The following LGR5 variants were observed in gnomAD, a reference collection of about 807,000 sequenced individuals.
LGR5 encodes leucine rich repeat containing G protein-coupled receptor 5, also known as leucine-rich repeat-containing G protein-coupled receptor 5.
Under a neutral mutation model 76.7 loss-of-function variants are expected in LGR5, and 54 were observed. The ratio of observed to expected loss-of-function variants is 0.70; its 90% CI spans 0.57 to 0.88. The LOEUF is 0.88. Among genes scored for constraint, LGR5 ranks in the 40% least tolerant of loss-of-function variants. The pLI is 0.00. For missense variants in LGR5, 1,078 were observed against 1,073.3 expected, an observed-to-expected ratio of 1.00 and a Z score of -0.06; for synonymous variants, 406 against 421.9, an observed-to-expected ratio of 0.96 and a Z score of 0.46.
chr12:71,477,232 C>T (rs940191591), intron 1 of LGR5, among the ~76,000 whole-genome samples: 1 of 152,012 alleles, frequency 6.6e-6, no homozygotes, highest in Non-Finnish European at 1.5e-5. Flanking sequence ...CCCGTTTTCT[C>T]ACCACAAACA....
chr12:71,459,400 G>A (rs1872606026), intron 1 of LGR5, among the ~76,000 whole-genome samples: 1 of 152,016 alleles, frequency 6.6e-6, no homozygotes, highest in South Asian at 2.1e-4. Flanking sequence ...TGCATTTGAT[G>A]GGGAAGCCAG....
intron 1 of LGR5, among the ~76,000 whole-genome samples, chr12:71,497,037 C>T (rs748509398): frequency 6.6e-6 from 1 of 151,866 alleles, no homozygotes; most frequent in African/African-American, 2.4e-5. Flanking sequence ...CATCAGGGGC[C>T]AGGCGCAGTG....
chr12:71,513,398 C>T (rs950506461), intron 2 of LGR5, among the ~76,000 whole-genome samples: 1 of 152,186 alleles, frequency 6.6e-6, no homozygotes, highest in Non-Finnish European at 1.5e-5. Context: ...CCTGCATTTT[C>T]CTGTTTTAGG....
chr12:71,496,275 G>A (rs1356900603), intron 1 of LGR5, among the ~76,000 whole-genome samples: 2 of 150,434 alleles, frequency 1.3e-5, no homozygotes, highest in Non-Finnish European at 2.9e-5. Context: ...GGAGGCTGAG[G>A]CAGAAGAATC....
intron 1 of LGR5, among the ~76,000 whole-genome samples, chr12:71,472,459 C>T (rs896994902): frequency 2.6e-5 from 4 of 152,128 alleles, no homozygotes; most frequent in African/African-American, 9.7e-5. Context: ...CCAGGCTCTC[C>T]CCGGAGCAAG....
chr12:71,550,333 T>C, intron 4 of LGR5, among the ~76,000 whole-genome samples: 1 of 151,186 alleles, frequency 6.6e-6, no homozygotes, highest in African/African-American at 2.4e-5. Context: ...GTATTTTTGG[T>C]AGAGATGGGG....
At chr12:71,532,056 T>C (rs1464869066) in intron 3 of LGR5, among the ~76,000 whole-genome samples, 3 of 152,162 alleles carry the variant, frequency 2.0e-5, no homozygotes, top group African/African-American at 7.2e-5. Flanking sequence ...GTTTGGTTAG[T>C]AAGGCAAAGG....
chr12:71,470,529 C>T (rs1448677423), intron 1 of LGR5, among the ~76,000 whole-genome samples: 1 of 152,060 alleles, frequency 6.6e-6, no homozygotes, highest in African/African-American at 2.4e-5. Flanking sequence ...GATATGTCTA[C>T]ATACACACAT....
chr12:71,463,885 C>T (rs1872764872), intron 1 of LGR5, among the ~76,000 whole-genome samples: 1 of 151,606 alleles, frequency 6.6e-6, no homozygotes, highest in Admixed American at 6.6e-5. Context: ...ATCAAATGAC[C>T]ATGTAAAAGG....
At chr12:71,466,935 CA>C (rs1872890658) in intron 1 of LGR5, among the ~76,000 whole-genome samples, 1 of 151,458 alleles carries the variant, frequency 6.6e-6, no homozygotes, top group African/African-American at 2.4e-5. Context: ...TGAGAGTTAC[CA>C]AGAAGTTATG....
chr12:71,527,886 T>C lies in LGR5; in HGVS notation c.356+3409T>C, dbSNP rs79301710. 2.9e-3 allele frequency among the ~76,000 whole-genome samples: 441 copies of C among 152,322 alleles called. 1 individual carries two copies. The highest frequency in any genetic ancestry group is 9.8e-3 in the African/African-American group (407 of 41,570). ...TTTGGTTGTCCAGATGATTGGCGTGTAGCAAGCTGTCCTGCAATGTGCTGC... is the reference window on the plus strand; with the variant it reads ...TTTGGTTGTCCAGATGATTGGCGTGCAGCAAGCTGTCCTGCAATGTGCTGC... On this transcript the variant is annotated intron_variant, in intron 3 of 17. Transcript: ENST00000266674.
intron 13 of LGR5, among the ~76,000 whole-genome samples, chr12:71,577,532 C>T (rs866378242): frequency 2.0e-5 from 3 of 152,100 alleles, no homozygotes; most frequent in Non-Finnish European, 4.4e-5. Flanking sequence ...AGTTTCATTA[C>T]ATATCCAAGG....
intron 5 of LGR5, 116 bp from the exon 6 acceptor site, chr12:71,556,503 G>T: frequency 1.4e-6 from 1 of 715,460 alleles, no homozygotes; most frequent in Non-Finnish European, 2.5e-6. Flanking sequence ...TTTTTACATT[G>T]GCTTCTTATA....
chr12:71,508,061 A>C (rs1040644272), intron 2 of LGR5, among the ~76,000 whole-genome samples: 1 of 144,498 alleles, frequency 6.9e-6, no homozygotes, highest in Non-Finnish European at 1.5e-5. Context: ...CTACTAAAAT[A>C]CAAAAAAAAA....
chr12:71,454,304 T>A (rs992849484), intron 1 of LGR5, among the ~76,000 whole-genome samples: 1 of 152,148 alleles, frequency 6.6e-6, no homozygotes, highest in Non-Finnish European at 1.5e-5. Flanking sequence ...GGAAGCTGAT[T>A]TATTTTACCA....
intron 1 of LGR5, among the ~76,000 whole-genome samples, chr12:71,472,874 C>G (rs1385512973): frequency 2.6e-5 from 4 of 152,140 alleles, no homozygotes; most frequent in Non-Finnish European, 5.9e-5. Context: ...TTCCACAGCA[C>G]ACGTTGATTG....
intron 4 of LGR5, among the ~76,000 whole-genome samples, chr12:71,537,235 C>A (rs1482927777): frequency 6.6e-6 from 1 of 150,816 alleles, no homozygotes; most frequent in Non-Finnish European, 1.5e-5. Context: ...GGGAGGATCA[C>A]TTGGAGGCCA....
chr12:71,548,315 G>GTGTGTGTGTA (rs1454310566), intron 4 of LGR5, among the ~76,000 whole-genome samples: 2 of 138,706 alleles, frequency 1.4e-5, no homozygotes, highest in Admixed American at 1.6e-4. Context: ...GTGTGTGTGT[G>GTGTGTGTGTA]TGTGTGTGTG....
chr12:71,557,918 G>A (rs1365998979), intron 6 of LGR5, among the ~76,000 whole-genome samples: 1 of 152,140 alleles, frequency 6.6e-6, no homozygotes, highest in African/African-American at 2.4e-5. Context: ...TGTGCCCTTG[G>A]GGCCCACTGT....
Sources: gnomAD v4.1 joint callset for allele counts (sites outside exome capture counted in the v4.1 genomes callset) on GRCh38, gnomAD v4.1.1 for gene constraint, MANE v1.5 for transcripts, NCBI Gene and HGNC (gene_info 2026-07-23, HGNC 2026-07-21) for gene names.